RNF43: variants seen among roughly 807,000 people sequenced by gnomAD.
The protein encoded by RNF43 is ring finger protein 43, also known as E3 ubiquitin-protein ligase RNF43.
A neutral mutation model predicts 78.4 loss-of-function variants in RNF43; 37 were observed. That is an observed-to-expected ratio of 0.47 (90% CI 0.36 to 0.62). The LOEUF is 0.62. Ranked by LOEUF, RNF43 falls within the 20% of genes least tolerant of loss-of-function variation. The pLI is 0.00. For synonymous variants in RNF43, 347 were observed against 395.0 expected (o/e 0.88, Z 1.44); for missense variants, 774 against 1,007.9 (o/e 0.77, Z 3.14).
At chr17:58,369,297 A>G (rs1405272398) in intron 3 of RNF43, among the ~76,000 whole-genome samples, 2 of 152,158 alleles carry the variant, frequency 1.3e-5, no homozygotes, top group Admixed American at 1.3e-4. Context: ...CAGCTCCTCC[A>G]AGTGCATCCT....
In RNF43 at chr17:58,360,288, G is replaced by T. The variant is rs757980235; in HGVS notation, c.850-37C>A. 2.4e-5 allele frequency: 36 copies of T among 1,518,456 alleles called. No homozygotes were observed. The highest frequency in any genetic ancestry group is 1.4e-5 in the African/African-American group (1 of 73,208). 94.1% of individuals were successfully genotyped at this position (1,518,456 alleles called of 1,614,324 possible). ...GAGGGGGTCCAAACCAAAGGCTTCT[G>T]TAGCCATAGGAATTGCCAGGAATCA... On this transcript the variant is annotated intron_variant, in intron 7 of 9. Transcript: ENST00000407977. This position sits in a 1 kb window ranked among gnomAD's most constrained non-coding sequence, Gnocchi z 4.3.
intron 2 of RNF43, among the ~76,000 whole-genome samples, chr17:58,391,581 C>T (rs1973560656): frequency 6.6e-6 from 1 of 152,166 alleles, no homozygotes; most frequent in Non-Finnish European, 1.5e-5. Context: ...TGAAAGGCTT[C>T]TTCTAATGTA....
chr17:58,363,230 GT>G, intron 5 of RNF43, 44 bp downstream of exon 5: 2 of 1,605,598 alleles, frequency 1.2e-6, no homozygotes, highest in Non-Finnish European at 1.7e-6. Flanking sequence ...ACAGGACAAA[GT>G]AGGGCTAAGT....
rs575614789 is a variant in RNF43, at chr17:58,403,594, G to A, written c.252+11732C>T. On this transcript the variant is annotated intron_variant, in intron 2 of 9. Transcript: ENST00000407977. ...GTATGGCCCTCAGCAACAGCACGGCGGCCCTTCTCTTTTTTTTTGCCAGCG... is the reference window on the plus strand; with the variant it reads ...GTATGGCCCTCAGCAACAGCACGGCAGCCCTTCTCTTTTTTTTTGCCAGCG... Among the ~76,000 whole-genome samples the A allele has an allele frequency of 2.0e-3, 307 of 152,206 alleles. 1 individual carries two copies. The highest frequency in any genetic ancestry group is 6.9e-3 in the African/African-American group (288 of 41,534).
In RNF43 at chr17:58,358,926, C is replaced by T; in HGVS notation, c.953-103G>A. On this transcript the variant is annotated intron_variant, in intron 8 of 9. Coordinates refer to ENST00000407977, the MANE Select transcript of RNF43 (RefSeq NM_017763.6). The surrounding 1 kb of genome is among the most constrained non-coding windows in gnomAD (Gnocchi z 6.2). Reference sequence around the variant, plus strand: ...GCTAATCTATTTGACCCTGAGTAGCCTGTGAGCTCAGAGTTTGGGGGATCA... The same window carrying T: ...GCTAATCTATTTGACCCTGAGTAGCTTGTGAGCTCAGAGTTTGGGGGATCA... The T allele has an allele frequency of 3.2e-6, 4 of 1,235,612 alleles. No individual in the cohort carries two copies. Among genetic ancestry groups the T allele is most frequent in the Non-Finnish European group, 4.3e-6 (4 of 930,328 alleles). 76.5% of individuals were successfully genotyped at this position (1,235,612 alleles called of 1,614,324 possible).
rs1972620834 is a variant in RNF43 at position 58,353,801 on chromosome 17, GA to G, written c.*1141del. The G allele has an allele frequency of 5.9e-5, 12 of 202,412 alleles. No homozygotes were observed. The highest frequency in any genetic ancestry group is 8.1e-5 in the Non-Finnish European group (8 of 98,228). 12.5% of individuals were successfully genotyped at this position (202,412 alleles called of 1,614,324 possible). ...GTGCTAGTCTCCCCACTAACTGAGGGAAAAAGGTTCCCAGGTGGGGTCCTCT... is the reference window on the plus strand; with the variant it reads ...GTGCTAGTCTCCCCACTAACTGAGGGAAAAGGTTCCCAGGTGGGGTCCTCT... On this transcript the variant is annotated 3_prime_UTR_variant, in exon 10 of 10. Coordinates refer to ENST00000407977, the MANE Select transcript of RNF43 (RefSeq NM_017763.6).
chr17:58,403,678 T>C (rs1186753194), intron 2 of RNF43, among the ~76,000 whole-genome samples: 3 of 152,142 alleles, frequency 2.0e-5, no homozygotes, highest in Non-Finnish European at 2.9e-5. Flanking sequence ...TAACAAGGCA[T>C]AGTTACTAAT....
At chr17:58,414,079 C>CAA (rs1487167068) in intron 2 of RNF43, among the ~76,000 whole-genome samples, 1 of 152,110 alleles carries the variant, frequency 6.6e-6, no homozygotes, top group Non-Finnish European at 1.5e-5. Context: ...AATCTTATGC[C>CAA]ATTTTTCCAG....
At chr17:58,368,982 G>A (rs1428535348) in intron 3 of RNF43, among the ~76,000 whole-genome samples, 1 of 152,076 alleles carries the variant, frequency 6.6e-6, no homozygotes, top group Non-Finnish European at 1.5e-5. Context: ...AAGGCCCACA[G>A]CTGTGGAAAG....
intron 3 of RNF43, among the ~76,000 whole-genome samples, chr17:58,366,462 C>T (rs1294437351): frequency 6.6e-6 from 1 of 152,224 alleles, no homozygotes; most frequent in Non-Finnish European, 1.5e-5. Context: ...GGGATTTCTG[C>T]TCCTACTGGG....
At position 58,356,464 on chromosome 17, in the gene RNF43, C is replaced by T. The variant is rs114453809; in HGVS notation, c.2308+1004G>A. ...TGAATGGAAAAGAGAGATATGTGGG[C>T]AAGTAAACACCATGTTAAAGTTGAG... On this transcript the variant is annotated intron_variant, in intron 9 of 9. Coordinates refer to ENST00000407977, the MANE Select transcript of RNF43 (RefSeq NM_017763.6). Among the ~76,000 whole-genome samples, 777 of 152,192 alleles carry T rather than the reference C, an allele frequency of 5.1e-3. 7 individuals carry two copies. The highest frequency in any genetic ancestry group is 0.018 in the African/African-American group (743 of 41,502).
intron 2 of RNF43, among the ~76,000 whole-genome samples, chr17:58,374,190 A>AG (rs1598143846): frequency 1.7e-5 from 2 of 118,618 alleles, no homozygotes; most frequent in African/African-American, 7.5e-5. Context: ...GGTAGAGATT[A>AG]GAAAAAAAAA....
intron 2 of RNF43, among the ~76,000 whole-genome samples, chr17:58,378,651 C>T (rs980609338): frequency 6.6e-6 from 1 of 152,130 alleles, no homozygotes; most frequent in Admixed American, 6.5e-5. Context: ...AGCATAACCT[C>T]GGGCCATCTG....
chr17:58,368,712 CAA>C (rs71365882), intron 3 of RNF43, among the ~76,000 whole-genome samples: 38 of 95,780 alleles, frequency 4.0e-4, no homozygotes, highest in Admixed American at 5.4e-4. Flanking sequence ...GACTCTGTCT[CAA>C]AAAAAAAAAA....
chr17:58,391,810 C>A (rs1402168293), intron 2 of RNF43, among the ~76,000 whole-genome samples: 1 of 152,098 alleles, frequency 6.6e-6, no homozygotes, highest in African/African-American at 2.4e-5. Context: ...TCTCCAGAGG[C>A]CAAGCAAGAA....
intron 2 of RNF43, among the ~76,000 whole-genome samples, chr17:58,403,307 A>C (rs967577255): frequency 1.3e-5 from 2 of 152,250 alleles, no homozygotes; most frequent in African/African-American, 4.8e-5. Context: ...AGGCACTCAC[A>C]TAATCCCCCA....
In RNF43 at chr17:58,357,838, G is replaced by T. The variant is rs2143395594; in HGVS notation, c.1938C>A (p.Ser646Arg). 2 of 1,614,172 alleles carry T rather than the reference G, an allele frequency of 1.2e-6. No individual in the cohort carries two copies. Among genetic ancestry groups the T allele is most frequent in the Non-Finnish European group, 1.7e-6 (2 of 1,180,036 alleles). Residue 646 changes from serine to arginine, a missense_variant, in exon 9 of 10, where the codon AGC (serine) becomes AGA (arginine). By Grantham distance (110) the Ser-to-Arg change is moderately radical. Coordinates refer to ENST00000407977, the MANE Select transcript of RNF43 (RefSeq NM_017763.6). The surrounding 1 kb of genome is among the most constrained non-coding windows in gnomAD (Gnocchi z 4.5). The stretch of plus-strand genomic sequence containing the variant: ...TCCTCTGTGGGTGTCGGGCAGAGAG[G>T]CTGGATTTTTGCAAGTTGAACAGAC... ...TSSLFNLQKS[S>R]LSARHPQRKR...
In RNF43 at chr17:58,353,886, G is replaced by A; in HGVS notation, c.*1057C>T. On this transcript the variant is annotated 3_prime_UTR_variant, in exon 10 of 10. Transcript: ENST00000407977. ...GGATAATGCCTGAGGGGCCAAGAGT[G>A]GTCAGGCTGCCCTGGGGTGAATGTC... 1 of 185,356 alleles carries A rather than the reference G, an allele frequency of 5.4e-6. No individual in the cohort carries two copies. Among genetic ancestry groups the A allele is most frequent in the Non-Finnish European group, 1.1e-5 (1 of 87,214 alleles). The allele number at this position is 185,356 out of a possible 1,614,324, so 11.5% of individuals were successfully genotyped here.
At chr17:58,376,778 A>G (rs1192145963) in intron 2 of RNF43, among the ~76,000 whole-genome samples, 1 of 152,110 alleles carries the variant, frequency 6.6e-6, no homozygotes, top group Non-Finnish European at 1.5e-5. Context: ...AGCTTGCCTG[A>G]TTTGAGAAGG....
Sources: allele counts gnomAD v4.1 joint callset (sites outside exome capture counted in the v4.1 genomes callset), GRCh38; gene constraint gnomAD v4.1.1; non-coding constraint Gnocchi (gnomAD v3.1); transcripts MANE v1.5; gene names NCBI Gene and HGNC (gene_info 2026-07-23, HGNC 2026-07-21).